The following ADARB2 variants were observed in gnomAD, a reference collection of about 807,000 sequenced individuals.
ADARB2 encodes the protein inactive double-stranded RNA-specific editase B2.
Under a neutral mutation model 62.2 loss-of-function variants are expected in ADARB2, and 25 were observed. The observed-to-expected ratio is 0.40, with a 90% CI of 0.29 to 0.56. ADARB2 has a LOEUF of 0.56. Among genes scored for constraint, ADARB2 ranks in the 20% least tolerant of loss-of-function variants. ADARB2 has a pLI of 0.43. For missense variants in ADARB2, 1,071 were observed against 1,077.4 expected, an observed-to-expected ratio of 0.99 and a Z score of 0.08; for synonymous variants, 572 against 500.8, an observed-to-expected ratio of 1.14 and a Z score of -1.90.
intron 1 of ADARB2, among the ~76,000 whole-genome samples, chr10:1,395,302 C>T (rs1024561721): frequency 6.6e-6 from 1 of 152,216 alleles, no homozygotes; most frequent in African/African-American, 2.4e-5. Context: ...CTTTAAGCCC[C>T]ATGGTGAGTG....
intron 1 of ADARB2, among the ~76,000 whole-genome samples, chr10:1,492,263 C>T (rs181352598): frequency 8.9e-4 from 135 of 152,264 alleles, no homozygotes; most frequent in African/African-American, 3.1e-3. Flanking sequence ...AACGGTGTCC[C>T]ACCCAGAAAA....
chr10:1,271,393 T>C (rs901080137), intron 3 of ADARB2, among the ~76,000 whole-genome samples: 25 of 151,840 alleles, frequency 1.6e-4, no homozygotes, highest in African/African-American at 6.1e-4. Context: ...ACTGGAGGAG[T>C]CTTTCGGCGG....
chr10:1,687,815 GGGAAAAC>G (rs1193650719), intron 1 of ADARB2, among the ~76,000 whole-genome samples: 2 of 152,060 alleles, frequency 1.3e-5, no homozygotes, highest in Non-Finnish European at 2.9e-5. Context: ...CTGGCCGGGG[GGGAAAAC>G]CACCCACCAT....
intron 1 of ADARB2, among the ~76,000 whole-genome samples, chr10:1,532,197 C>T (rs1832253457): frequency 1.3e-5 from 2 of 151,884 alleles, no homozygotes; most frequent in South Asian, 2.1e-4. Flanking sequence ...TGGCGTTTTC[C>T]TGTATCAGCC....
At chr10:1,257,244 A>G (rs970394329) in intron 4 of ADARB2, among the ~76,000 whole-genome samples, 1 of 152,136 alleles carries the variant, frequency 6.6e-6, no homozygotes, top group African/African-American at 2.4e-5. Flanking sequence ...TGACCCAACC[A>G]CACAGGGAGG....
intron 1 of ADARB2, among the ~76,000 whole-genome samples, chr10:1,520,904 A>G (rs1369356689): frequency 6.6e-6 from 1 of 152,178 alleles, no homozygotes; most frequent in Non-Finnish European, 1.5e-5. Flanking sequence ...TGGTTCCTGG[A>G]CCTTTTTCAT....
chr10:1,430,006 C>G (rs541401537), intron 1 of ADARB2, among the ~76,000 whole-genome samples: 1 of 152,106 alleles, frequency 6.6e-6, no homozygotes, highest in Non-Finnish European at 1.5e-5. Flanking sequence ...ATGGAAAGAA[C>G]AACATTGAAA....
intron 1 of ADARB2, among the ~76,000 whole-genome samples, chr10:1,550,409 T>G (rs988265724): frequency 2.6e-5 from 4 of 152,160 alleles, no homozygotes. Context: ...AGAGTCTCAG[T>G]GTAATTGCAC....
At chr10:1,317,207 A>C (rs558966256) in intron 3 of ADARB2, among the ~76,000 whole-genome samples, 62 of 152,190 alleles carry the variant, frequency 4.1e-4, no homozygotes, top group Non-Finnish European at 7.3e-4. Flanking sequence ...AGTCTTACTT[A>C]TATTAGAAAA....
intron 1 of ADARB2, among the ~76,000 whole-genome samples, chr10:1,732,622 A>C (rs1835248402): frequency 6.6e-6 from 1 of 152,226 alleles, no homozygotes. Flanking sequence ...CAGTAAATCC[A>C]GCCCTTCCTC....
intron 1 of ADARB2, among the ~76,000 whole-genome samples, chr10:1,399,015 G>A (rs1832639424): frequency 2.0e-5 from 3 of 152,120 alleles, no homozygotes; most frequent in South Asian, 4.2e-4. Flanking sequence ...TGGTATCAGC[G>A]GGGCCACGAC....
chr10:1,614,828 G>A (rs1418041641), intron 1 of ADARB2, among the ~76,000 whole-genome samples: 2 of 151,984 alleles, frequency 1.3e-5, no homozygotes, highest in Non-Finnish European at 2.9e-5. Flanking sequence ...GGAGAATGGC[G>A]TGAACCTGGG....
intron 3 of ADARB2, among the ~76,000 whole-genome samples, chr10:1,273,769 G>C (rs1394439378): frequency 6.6e-6 from 1 of 152,188 alleles, no homozygotes; most frequent in Admixed American, 6.5e-5. Flanking sequence ...GACATAAGCA[G>C]CCCCACCACA....
Position 1,262,796 on chromosome 10 carries a change from AT to A in ADARB2, c.1192+8158del, listed in dbSNP as rs1305081895. 2.6e-5 allele frequency among the ~76,000 whole-genome samples: 4 copies of A among 152,290 alleles called. No homozygotes were observed. The East Asian group carries it at 5.8e-4, about 22-fold the overall frequency. On this transcript the variant is annotated intron_variant, in intron 4 of 9. Coordinates refer to ENST00000381312, the MANE Select transcript of ADARB2 (RefSeq NM_018702.4). ...CCATTACTGGGTATATACCCAAAGG[AT>A]TATAAATCATGCTGCTGTAAAGACA...
intron 1 of ADARB2, among the ~76,000 whole-genome samples, chr10:1,727,817 C>T (rs1042263043): frequency 6.6e-6 from 1 of 152,190 alleles, no homozygotes. Flanking sequence ...TCCTTTTGCT[C>T]ATGTCATTGT....
At chr10:1,259,910 G>T (rs910552245) in intron 4 of ADARB2, among the ~76,000 whole-genome samples, 11 of 152,172 alleles carry the variant, frequency 7.2e-5, no homozygotes, top group Admixed American at 4.6e-4. Context: ...AATAAAATAT[G>T]GGCAAACCGA....
chr10:1,231,086 G>A, intron 6 of ADARB2, among the ~76,000 whole-genome samples: 1 of 152,086 alleles, frequency 6.6e-6, no homozygotes. Context: ...CAGTGGACTA[G>A]AACTGTCCCC....
intron 1 of ADARB2, among the ~76,000 whole-genome samples, chr10:1,574,773 G>A (rs1254941550): frequency 6.6e-6 from 1 of 152,162 alleles, no homozygotes; most frequent in Non-Finnish European, 1.5e-5. Flanking sequence ...AGTCAACTGA[G>A]GTCCTGGGGG....
intron 1 of ADARB2, among the ~76,000 whole-genome samples, chr10:1,417,514 C>T (rs1314767013): frequency 6.6e-6 from 1 of 152,186 alleles, no homozygotes; most frequent in Non-Finnish European, 1.5e-5. Flanking sequence ...TATTATCATT[C>T]CTATTTTACA....
Sources: allele counts gnomAD v4.1 joint callset (sites outside exome capture counted in the v4.1 genomes callset), GRCh38; gene constraint gnomAD v4.1.1; transcripts MANE v1.5; gene names NCBI Gene and HGNC (gene_info 2026-07-23, HGNC 2026-07-21).